The following FBXL13 variants were observed in gnomAD, a reference collection of about 807,000 sequenced individuals.
The protein encoded by FBXL13 is F-box and leucine rich repeat protein 13.
FBXL13 carries 67 observed loss-of-function variants against 83.6 expected under a neutral mutation model. The observed-to-expected ratio is 0.80, with a 90% CI of 0.66 to 0.98. The LOEUF (loss-of-function observed/expected upper bound fraction) is 0.98. Ranked by LOEUF, FBXL13 falls within the 50% of genes least tolerant of loss-of-function variation. FBXL13 has a pLI of 0.00. For synonymous variants in FBXL13, 272 were observed against 299.5 expected, an observed-to-expected ratio of 0.91 and a Z score of 0.95; for missense variants, 822 against 866.5, an observed-to-expected ratio of 0.95 and a Z score of 0.64.
At chr7:102,996,692 A>G (rs1263072302) in intron 6 of FBXL13, among the ~76,000 whole-genome samples, 2 of 152,298 alleles carry the variant, frequency 1.3e-5, no homozygotes, top group African/African-American at 4.8e-5. Context: ...ATTTCCTCAT[A>G]AACAAATCAA....
At chr7:102,887,986 G>A (rs1187141325) in intron 11 of FBXL13, among the ~76,000 whole-genome samples, 2 of 152,180 alleles carry the variant, frequency 1.3e-5, no homozygotes, top group Non-Finnish European at 2.9e-5. Flanking sequence ...ATAGCGTAAG[G>A]AAGCCCTTGG....
At chr7:102,944,332 C>T in intron 8 of FBXL13, 1 of 1,613,980 alleles carries the variant, frequency 6.2e-7, no homozygotes. Flanking sequence ...CAGAGATAAC[C>T]CTTGGAGATG....
intron 8 of FBXL13, among the ~76,000 whole-genome samples, chr7:102,954,896 T>A (rs193288878): frequency 5.9e-5 from 9 of 152,192 alleles, no homozygotes; most frequent in African/African-American, 2.2e-4. Flanking sequence ...ATAAAACAAG[T>A]CTGTAGAGAC....
intron 9 of FBXL13, among the ~76,000 whole-genome samples, chr7:102,931,170 G>A (rs1819101041): frequency 6.6e-6 from 1 of 152,190 alleles, no homozygotes; most frequent in Admixed American, 6.5e-5. Context: ...TAAGCAAAGA[G>A]CAAATGCACA....
At chr7:102,872,119 A>G (rs1381644114) in intron 16 of FBXL13, among the ~76,000 whole-genome samples, 1 of 152,202 alleles carries the variant, frequency 6.6e-6, no homozygotes, top group African/African-American at 2.4e-5. Context: ...AGCTACATCA[A>G]GTTCCTTGAA....
At chr7:102,827,200 G>A (rs182118658) in intron 18 of FBXL13, 2 of 450,286 alleles carry the variant, frequency 4.4e-6, no homozygotes, top group Non-Finnish European at 9.0e-6. Context: ...AAGCAGCTCA[G>A]CTAGCTTGCT....
intron 6 of FBXL13, among the ~76,000 whole-genome samples, chr7:102,987,463 AAC>A (rs2129484104): frequency 6.6e-6 from 1 of 152,270 alleles, no homozygotes; most frequent in Non-Finnish European, 1.5e-5. Context: ...AGAAAAAAAA[AAC>A]ATACCTCACA....
In FBXL13 at chr7:102,898,169, C is replaced by T. The variant is rs186171959; in HGVS notation, c.1009-13857G>A. Among the ~76,000 whole-genome samples the T allele has an allele frequency of 3.7e-3, 566 of 151,568 alleles. 5 individuals carry two copies. Among genetic ancestry groups the T allele is most frequent in the African/African-American group, 0.014 (558 of 41,316 alleles). On this transcript the variant is annotated intron_variant, in intron 11 of 19. Transcript: ENST00000313221. ...ACAACCCAGCCACTCGACTCCTATA[C>T]ACACACACACATACATATATATGTG...
intron 6 of FBXL13, among the ~76,000 whole-genome samples, chr7:102,993,604 A>T (rs747682524): frequency 2.0e-5 from 3 of 152,210 alleles, no homozygotes; most frequent in Non-Finnish European, 4.4e-5. Context: ...ACAGAAGGAA[A>T]AAAAAAAACC....
chr7:103,025,689 A>G (rs1156284973), intron 5 of FBXL13, among the ~76,000 whole-genome samples: 2 of 152,244 alleles, frequency 1.3e-5, no homozygotes, highest in African/African-American at 4.8e-5. Flanking sequence ...AAACTGTGTA[A>G]TAAATAAAGG....
At chr7:103,044,924 C>T (rs1034406954) in intron 2 of FBXL13, among the ~76,000 whole-genome samples, 4 of 152,134 alleles carry the variant, frequency 2.6e-5, no homozygotes, top group South Asian at 2.1e-4. Flanking sequence ...TGTATTCACT[C>T]GTCTTTAAGT....
intron 2 of FBXL13, among the ~76,000 whole-genome samples, chr7:103,047,646 G>A (rs1796404329): frequency 6.6e-6 from 1 of 152,114 alleles, no homozygotes. Flanking sequence ...TATAATTATG[G>A]TTGACAGTAT....
intron 2 of FBXL13, 89 bp downstream of exon 3, chr7:103,054,999 T>G (rs1370991772): frequency 2.5e-6 from 2 of 794,586 alleles, no homozygotes; most frequent in Non-Finnish European, 3.6e-6. Flanking sequence ...CAGTCTGACC[T>G]CACACCTCCC....
intron 2 of FBXL13, among the ~76,000 whole-genome samples, chr7:103,032,583 T>A (rs1235576465): frequency 6.6e-6 from 1 of 152,248 alleles, no homozygotes; most frequent in Non-Finnish European, 1.5e-5. Context: ...CAAACTCAGT[T>A]GATGCGAGGA....
chr7:103,059,460 C>T (rs1220650013), intron 1 of FBXL13, among the ~76,000 whole-genome samples: 1 of 152,148 alleles, frequency 6.6e-6, no homozygotes, highest in African/African-American at 2.4e-5. Flanking sequence ...AAACCATTAA[C>T]TTAGTCTTTA....
At chr7:102,893,974 G>GAAAC (rs1811918213) in intron 11 of FBXL13, among the ~76,000 whole-genome samples, 1 of 91,836 alleles carries the variant, frequency 1.1e-5, no homozygotes. Flanking sequence ...GAGAAAGAAA[G>GAAAC]AAAGAAAGAG....
In FBXL13 at chr7:103,025,187, A is replaced by C. The variant is rs777843573; in HGVS notation, c.371T>G (p.Leu124Ter). 5 of 1,593,872 alleles carry C rather than the reference A, an allele frequency of 3.1e-6. 1 individual carries two copies. The South Asian group carries it at 5.6e-5, about 18-fold the overall frequency. ...TTCTGCAGCAGCTCTTTTGAGTATT[A>C]ACCTATTTTTCCATTTTTTCAATTG... Residue 124 changes from leucine to a stop codon, truncating the protein, a stop_gained, in exon 6 of 20, where the codon TTA (leucine) becomes TGA (stop). Transcript: ENST00000313221. LOFTEE classifies it high-confidence loss of function.
intron 16 of FBXL13, among the ~76,000 whole-genome samples, chr7:102,867,202 T>A (rs1807774149): frequency 6.6e-6 from 1 of 151,564 alleles, no homozygotes; most frequent in South Asian, 2.1e-4. Context: ...AAAGAAAATT[T>A]GAAAAATCAG....
At chr7:102,876,815 T>C (rs1313605859) in intron 16 of FBXL13, among the ~76,000 whole-genome samples, 2 of 152,178 alleles carry the variant, frequency 1.3e-5, no homozygotes, top group East Asian at 1.9e-4. Context: ...GGATATAAGA[T>C]ATTGTCTTCC....
Sources: allele counts gnomAD v4.1 joint callset (sites outside exome capture counted in the v4.1 genomes callset), GRCh38; gene constraint gnomAD v4.1.1; transcripts MANE v1.5; gene names NCBI Gene and HGNC (gene_info 2026-07-23, HGNC 2026-07-21).